The following GLYR1 variants were observed in gnomAD, a reference collection of about 807,000 sequenced individuals.
The protein encoded by GLYR1 is glyoxylate reductase 1 homolog.
In GLYR1, 21 loss-of-function variants were observed where a neutral mutation model predicts 72.7. That is an observed-to-expected ratio of 0.29 (90% CI 0.20 to 0.42). GLYR1 has a LOEUF of 0.42. Ranked by LOEUF, GLYR1 falls within the 10% of genes least tolerant of loss-of-function variation. GLYR1 has a pLI of 1.00. For missense variants in GLYR1, 594 were observed against 712.1 expected (o/e 0.83, Z 1.89); for synonymous variants, 392 against 270.2 (o/e 1.45, Z -4.42).
chr16:4,844,198 C>G (rs2085778413), intron 3 of GLYR1, among the ~76,000 whole-genome samples: 1 of 151,792 alleles, frequency 6.6e-6, no homozygotes, highest in Non-Finnish European at 1.5e-5. Flanking sequence ...AAACAAATCA[C>G]TAGCAACTCA....
Position 4,845,082 on chromosome 16 carries a change from T to C in GLYR1, c.147A>G (p.Thr49=), listed in dbSNP as rs1019510597. The C allele has an allele frequency of 2.5e-6, 4 of 1,612,790 alleles. No homozygotes were observed. Among genetic ancestry groups the C allele is most frequent in the Admixed American group, 3.3e-5 (2 of 60,002 alleles). The part of the protein sequence containing the change: ...KKCFFVKFFG[T]EDHAWIKVEQ... ...TGGTGAGTACTACTCACTGATCTTCTGTTCCAAAAAATTTCACAAAGAAGC... is the reference window on the plus strand; with the variant it reads ...TGGTGAGTACTACTCACTGATCTTCCGTTCCAAAAAATTTCACAAAGAAGC... The change falls in exon 3 of 16, where the codon ACA becomes ACG. Residue 49 remains threonine, a synonymous_variant. Coordinates refer to ENST00000321919, the MANE Select transcript of GLYR1 (RefSeq NM_032569.4).
chr16:4,846,949 C>G, intron 1 of GLYR1: 1 of 495,114 alleles, frequency 2.0e-6, no homozygotes, highest in Non-Finnish European at 3.5e-6. Flanking sequence ...CGGCGGCTCC[C>G]TTCACGGGGG....
intron 15 of GLYR1, among the ~76,000 whole-genome samples, chr16:4,809,644 C>T (rs751501124): frequency 3.0e-4 from 45 of 149,672 alleles, no homozygotes; most frequent in Non-Finnish European, 5.0e-4. Context: ...ATACAGGCAG[C>T]TGGTTGTGGT....
chr16:4,820,060 C>T (rs984256724), intron 9 of GLYR1, among the ~76,000 whole-genome samples: 39 of 152,048 alleles, frequency 2.6e-4, no homozygotes, highest in African/African-American at 7.2e-4. Context: ...TGCAGTGGTG[C>T]GATCTTGGCT....
chr16:4,816,526 C>G (rs547045724), intron 10 of GLYR1, among the ~76,000 whole-genome samples: 1 of 152,046 alleles, frequency 6.6e-6, no homozygotes, highest in African/African-American at 2.4e-5. Context: ...ACCCTTCTTA[C>G]GTATTTGCTA....
intron 3 of GLYR1, among the ~76,000 whole-genome samples, chr16:4,834,290 A>G (rs2084984048): frequency 6.7e-6 from 1 of 148,776 alleles, no homozygotes; most frequent in Non-Finnish European, 1.5e-5. Context: ...GAGTTAGGCA[A>G]ATTCCTTTTT....
At chr16:4,845,179 G>A (rs2085907968) in intron 2 of GLYR1, 26 bp from the exon 3 acceptor site, 2 of 1,582,534 alleles carry the variant, frequency 1.3e-6, no homozygotes, top group Non-Finnish European at 1.7e-6. Flanking sequence ...GGGGAAAAAG[G>A]TTGGCTGGCA....
chr16:4,824,971 T>G (rs2084287566), intron 5 of GLYR1, among the ~76,000 whole-genome samples: 2 of 152,166 alleles, frequency 1.3e-5, no homozygotes, highest in African/African-American at 4.8e-5. Context: ...CTCTCTTCTC[T>G]AATCCACTGA....
In GLYR1 at chr16:4,821,537, G is replaced by A; in HGVS notation, c.732+10C>T. The A allele has an allele frequency of 6.2e-7, 1 of 1,613,962 alleles. No individual in the cohort carries two copies. Among genetic ancestry groups the A allele is most frequent in the Admixed American group, 1.7e-5 (1 of 60,030 alleles). ...GAAAATTAAAATGGGGAGGCATGGA[G>A]CCTACATACCTCTTCACATATTTTC... On this transcript the variant is annotated intron_variant, in intron 8 of 15. Coordinates refer to ENST00000321919, the MANE Select transcript of GLYR1 (RefSeq NM_032569.4).
At chr16:4,821,684 GTGGGAAGTTAACATCAACTATT>G in intron 7 of GLYR1, 87 bp from the exon 8 acceptor site, 1 of 1,265,010 alleles carries the variant, frequency 7.9e-7, no homozygotes, top group Non-Finnish European at 1.2e-6. Context: ...TAGACCCAAA[GTGGGAAGTTAACATCAACTATT>G]TGTTTTATAC....
chr16:4,828,563 A>G (rs2084581424), intron 5 of GLYR1, among the ~76,000 whole-genome samples: 1 of 151,974 alleles, frequency 6.6e-6, no homozygotes, highest in African/African-American at 2.4e-5. Flanking sequence ...GGCTGTCTGC[A>G]GTTTATTGGG....
At chr16:4,843,818 G>A (rs1596419205) in intron 3 of GLYR1, 1 of 276,566 alleles carries the variant, frequency 3.6e-6, no homozygotes, top group Non-Finnish European at 6.3e-6. Flanking sequence ...CAAACCGGCT[G>A]GGCATGGTGG....
rs753487301 is a variant in GLYR1, at chr16:4,821,373, G to C, written c.806+7C>G. On this transcript the variant is annotated splice_region_variant and intron_variant, in intron 9 of 15. Transcript: ENST00000321919. ...GCCACTGGAGGCCTTTTCATCAAAG[G>C]TCCTACTTTTTGTCTGTGGGTGTGA... 6.2e-7 allele frequency: 1 copy of C among 1,612,582 alleles called. No individual in the cohort carries two copies. The highest frequency in any genetic ancestry group is 1.3e-5 in the African/African-American group (1 of 75,030).
intron 3 of GLYR1, among the ~76,000 whole-genome samples, chr16:4,837,210 T>C (rs537062341): frequency 6.6e-6 from 1 of 152,162 alleles, no homozygotes; most frequent in South Asian, 2.1e-4. Flanking sequence ...CCGAGGCAGG[T>C]GGATTGAGGC....
intron 3 of GLYR1, among the ~76,000 whole-genome samples, chr16:4,838,700 C>A (rs181898214): frequency 1.1e-4 from 17 of 152,120 alleles, no homozygotes; most frequent in African/African-American, 4.1e-4. Flanking sequence ...CATTCTCCTG[C>A]CTCAGCCACC....
intron 1 of GLYR1, 36 bp from the exon 2 acceptor site, chr16:4,846,246 A>C: frequency 6.2e-7 from 1 of 1,611,764 alleles, no homozygotes; most frequent in Non-Finnish European, 8.5e-7. Flanking sequence ...CTTGCCCTGC[A>C]AAAGCCAGTC....
intron 10 of GLYR1, among the ~76,000 whole-genome samples, chr16:4,817,310 G>A (rs890845146): frequency 2.6e-5 from 4 of 151,728 alleles, no homozygotes; most frequent in Non-Finnish European, 4.4e-5. Context: ...AAGTAGAGAC[G>A]GGGTTTCACC....
rs192669674 is a variant in GLYR1 at position 4,843,611 on chromosome 16, A to G, written c.155+1463T>C. 5,115 of 1,289,124 alleles carry G rather than the reference A, an allele frequency of 4.0e-3. 17 individuals carry two copies. The highest frequency in any genetic ancestry group is 4.4e-3 in the Non-Finnish European group (4,395 of 988,674). The allele number at this position is 1,289,124 out of a possible 1,614,324, so 79.9% of individuals were successfully genotyped here. A position where few individuals can be genotyped will look rare whatever the true frequency, so the allele number is the denominator to read the frequency against. ...AATGGGGCTGGGTCTATCTGTAAAC[A>G]TGAAACCAGGAAGAGCATCTGACAT... is the stretch of plus-strand genomic sequence containing the variant. On this transcript the variant is annotated intron_variant, in intron 3 of 15. Coordinates refer to ENST00000321919, the MANE Select transcript of GLYR1 (RefSeq NM_032569.4).
At chr16:4,831,883 T>C (rs2142014737) in intron 5 of GLYR1, 96 bp downstream of exon 5, 4 of 1,493,046 alleles carry the variant, frequency 2.7e-6, no homozygotes, top group Non-Finnish European at 3.6e-6. Flanking sequence ...GAGCAGAGTA[T>C]AGATAAGCAT....
Sources: gnomAD v4.1 joint callset for allele counts (sites outside exome capture counted in the v4.1 genomes callset) on GRCh38, gnomAD v4.1.1 for gene constraint, MANE v1.5 for transcripts, NCBI Gene and HGNC (gene_info 2026-07-23, HGNC 2026-07-21) for gene names.